NLGN1: variants seen among roughly 807,000 people sequenced by gnomAD.
The protein encoded by NLGN1 is neuroligin-1.
NLGN1 carries 12 observed loss-of-function variants against 65.5 expected under a neutral mutation model. The ratio of observed to expected loss-of-function variants is 0.18; its 90% CI spans 0.12 to 0.30. The LOEUF (loss-of-function observed/expected upper bound fraction) is 0.30, where lower values mean the gene tolerates loss of function less well. Ranked by LOEUF, NLGN1 falls within the 10% of genes least tolerant of loss-of-function variation. The pLI is 1.00. For synonymous variants in NLGN1, 350 were observed against 359.5 expected (o/e 0.97, Z 0.30); for missense variants, 750 against 1,007.1 (o/e 0.74, Z 3.46).
intron 3 of NLGN1, among the ~76,000 whole-genome samples, chr3:173,726,818 T>C (rs1045697075): frequency 5.9e-5 from 9 of 152,024 alleles, no homozygotes; most frequent in African/African-American, 2.2e-4. Context: ...GCTTTTTTAT[T>C]ACCTGAAAAA....
chr3:173,831,329 A>G (rs765187030), intron 4 of NLGN1, among the ~76,000 whole-genome samples: 6 of 152,248 alleles, frequency 3.9e-5, no homozygotes, highest in Non-Finnish European at 5.9e-5. Context: ...CTGCAAAATA[A>G]AAGAGAAGAT....
chr3:174,228,994 C>T (rs1403633221), intron 4 of NLGN1, among the ~76,000 whole-genome samples: 3 of 152,046 alleles, frequency 2.0e-5, no homozygotes, highest in Non-Finnish European at 2.9e-5. Context: ...AGAGATGCCA[C>T]AGTGTTGTAT....
At chr3:174,156,422 C>T (rs971858422) in intron 4 of NLGN1, among the ~76,000 whole-genome samples, 2 of 151,484 alleles carry the variant, frequency 1.3e-5, no homozygotes, top group African/African-American at 4.8e-5. Context: ...GTTTTTTTAA[C>T]GCTGCCCATT....
chr3:174,285,147 G>A (rs571636234), exon 7 of NLGN1: 1 of 151,448 alleles, frequency 6.6e-6, no homozygotes, highest in East Asian at 2.0e-4. Context: ...GAAATTACTG[G>A]GATTCTTTTC....
At chr3:173,958,393 T>A (rs1579416063) in intron 4 of NLGN1, among the ~76,000 whole-genome samples, 1 of 152,232 alleles carries the variant, frequency 6.6e-6, no homozygotes, top group African/African-American at 2.4e-5. Flanking sequence ...GGTATCCTGA[T>A]GAGTGTTCAG....
chr3:174,290,460 C>T (rs1206114776), downstream of NLGN1, among the ~76,000 whole-genome samples: 1 of 150,922 alleles, frequency 6.6e-6, no homozygotes, highest in African/African-American at 2.4e-5. Flanking sequence ...CATAAAAGCA[C>T]ATTTTAAATG....
At chr3:174,070,522 G>T (rs1739597327) in intron 4 of NLGN1, among the ~76,000 whole-genome samples, 1 of 151,222 alleles carries the variant, frequency 6.6e-6, no homozygotes, top group South Asian at 2.1e-4. Context: ...AGTAGTGATG[G>T]GGTTTCACCA....
chr3:173,895,954 T>G (rs1218922055), intron 4 of NLGN1, among the ~76,000 whole-genome samples: 1 of 152,152 alleles, frequency 6.6e-6, no homozygotes, highest in Non-Finnish European at 1.5e-5. Context: ...CCTCCCAAAG[T>G]GCTGAGATTA....
chr3:173,893,005 C>G (rs537277051), intron 4 of NLGN1, among the ~76,000 whole-genome samples: 10 of 152,042 alleles, frequency 6.6e-5, no homozygotes, highest in Non-Finnish European at 1.3e-4. Flanking sequence ...TCTTGTATAC[C>G]TGCTAATTAC....
chr3:173,557,396 T>C (rs1229405536), intron 2 of NLGN1, among the ~76,000 whole-genome samples: 2 of 152,114 alleles, frequency 1.3e-5, no homozygotes, highest in Non-Finnish European at 2.9e-5. Context: ...CATTTTTTTC[T>C]CATTTTCAAA....
At chr3:173,476,786 A>G (rs1036236225) in intron 2 of NLGN1, among the ~76,000 whole-genome samples, 1 of 152,164 alleles carries the variant, frequency 6.6e-6, no homozygotes, top group African/African-American at 2.4e-5. Context: ...ATAATAGATA[A>G]TAGAACATTT....
At position 173,492,858 on chromosome 3, in the gene NLGN1, G is replaced by A. The variant is rs540138769; in HGVS notation, c.-321+57780G>A. Among the ~76,000 whole-genome samples the A allele has an allele frequency of 3.0e-4, 45 of 151,820 alleles. 1 individual carries two copies. In the South Asian group the frequency reaches 9.3e-3, roughly 31 times the overall value. ...ATAAATCATGCTAGAGAAACCCTATGCTTTAGGCTGAAAATTTGGAATTCC... is the reference window on the plus strand; with the variant it reads ...ATAAATCATGCTAGAGAAACCCTATACTTTAGGCTGAAAATTTGGAATTCC... On this transcript the variant is annotated intron_variant, in intron 2 of 6. Coordinates refer to ENST00000457714, the Ensembl canonical transcript of NLGN1.
Position 174,197,260 on chromosome 3 carries a change from A to G in NLGN1, c.647-78055A>G, listed in dbSNP as rs192587935. ...GAAGACAACTCTGACTATCTTAAGCAAAAGGAAATGTTTTGGAACAATAGT... is the reference window on the plus strand; with the variant it reads ...GAAGACAACTCTGACTATCTTAAGCGAAAGGAAATGTTTTGGAACAATAGT... On this transcript the variant is annotated intron_variant, in intron 4 of 6. Transcript: ENST00000457714. Among the ~76,000 whole-genome samples the G allele has an allele frequency of 3.0e-4, 46 of 152,244 alleles. No individual in the cohort carries two copies. In the East Asian group the frequency reaches 3.1e-3, roughly 10 times the overall value.
intron 4 of NLGN1, among the ~76,000 whole-genome samples, chr3:173,901,750 A>G (rs754621286): frequency 2.6e-5 from 4 of 152,044 alleles, no homozygotes; most frequent in Non-Finnish European, 5.9e-5. Flanking sequence ...TTTTTCGAGA[A>G]CAGGCCTTAA....
intron 2 of NLGN1, among the ~76,000 whole-genome samples, chr3:173,523,796 G>A (rs1053969452): frequency 9.2e-5 from 14 of 151,456 alleles, no homozygotes; most frequent in Non-Finnish European, 1.8e-4. Context: ...GTGAAAAATG[G>A]CATTGACCAT....
At chr3:174,018,212 C>G (rs1037196826) in intron 4 of NLGN1, among the ~76,000 whole-genome samples, 12 of 152,276 alleles carry the variant, frequency 7.9e-5, no homozygotes, top group Middle Eastern at 3.4e-3. Flanking sequence ...CCCTTGTTCC[C>G]TGAACATCAC....
rs573696072 is a variant in NLGN1, at chr3:173,864,911, C to A, written c.646+57079C>A. ...CCTAGAATGAGAACATCTAAACTGC[C>A]TTTTAGGGGGAAAAATACGGTTTTG... On this transcript the variant is annotated intron_variant, in intron 4 of 6. Coordinates refer to ENST00000457714, the Ensembl canonical transcript of NLGN1. 3.4e-4 allele frequency among the ~76,000 whole-genome samples: 52 copies of A among 152,206 alleles called. 1 individual carries two copies. The highest frequency in any genetic ancestry group is 1.4e-3 in the Admixed American group (21 of 15,284).
chr3:174,054,467 C>T (rs1212339107), intron 4 of NLGN1, among the ~76,000 whole-genome samples: 1 of 151,966 alleles, frequency 6.6e-6, no homozygotes, highest in Non-Finnish European at 1.5e-5. Context: ...ATTATGTTGG[C>T]TTACATAACC....
intron 4 of NLGN1, among the ~76,000 whole-genome samples, chr3:174,241,504 T>G: frequency 7.1e-6 from 1 of 141,578 alleles, no homozygotes; most frequent in South Asian, 2.2e-4. Flanking sequence ...ATCCACCAAT[T>G]AAAAAAAAAA....
Sources: allele counts gnomAD v4.1 joint callset (sites outside exome capture counted in the v4.1 genomes callset), GRCh38; gene constraint gnomAD v4.1.1; transcripts MANE v1.5; gene names NCBI Gene and HGNC (gene_info 2026-07-23, HGNC 2026-07-21).